Variants in POFUT3 observed in about 807,000 individuals in gnomAD.
POFUT3 encodes GDP-fucose protein O-fucosyltransferase 3.
At chr8:33,436,369 T>G in the POFUT3 span, 1 of 1,375,036 alleles carries the variant, frequency 7.3e-7, no homozygotes, top group Non-Finnish European at 1.0e-6. Context: ...TCATCTTTCA[T>G]GATGTCACAT....
At chr8:33,422,377 T>C in the POFUT3 span, among the ~76,000 whole-genome samples, 7 of 151,742 alleles carry the variant, frequency 4.6e-5, no homozygotes, top group Non-Finnish European at 1.0e-4. Context: ...ACTCCGTCTC[T>C]ACTAAAAATA....
chr8:33,453,931 G>A, the POFUT3 span, among the ~76,000 whole-genome samples: 5 of 151,854 alleles, frequency 3.3e-5, no homozygotes, highest in Non-Finnish European at 5.9e-5. Context: ...CTTGAGCCTC[G>A]GCAACAGAGC....
chr8:33,393,508 C>G, the POFUT3 span, among the ~76,000 whole-genome samples: 1 of 152,224 alleles, frequency 6.6e-6, no homozygotes, highest in East Asian at 1.9e-4. Flanking sequence ...AGCAGAGGAG[C>G]CTGAGAGTGA....
At chr8:33,404,386 G>A in the POFUT3 span, among the ~76,000 whole-genome samples, 1 of 151,848 alleles carries the variant, frequency 6.6e-6, no homozygotes, top group African/African-American at 2.4e-5. Flanking sequence ...TTCTCAGAGA[G>A]GAGTCTCATT....
At chr8:33,471,786 G>C in the POFUT3 span, among the ~76,000 whole-genome samples, 26 of 152,206 alleles carry the variant, frequency 1.7e-4, no homozygotes, top group African/African-American at 5.3e-4. Context: ...AGTTGAGATC[G>C]TGTTTTTAAT....
At chr8:33,311,410 G>C in the POFUT3 span, among the ~76,000 whole-genome samples, 50 of 152,220 alleles carry the variant, frequency 3.3e-4, no homozygotes, top group South Asian at 0.01. Flanking sequence ...GAAGCACATT[G>C]CCCTAAATTG....
chr8:33,361,204 G>A, the POFUT3 span: 2 of 152,158 alleles, frequency 1.3e-5, no homozygotes, highest in Non-Finnish European at 2.9e-5. Context: ...GGATTGGCTG[G>A]AGCAGAACTG....
the POFUT3 span, among the ~76,000 whole-genome samples, chr8:33,468,674 C>T: frequency 2.7e-3 from 414 of 152,322 alleles, 2 homozygotes; most frequent in Non-Finnish European, 4.7e-3. Flanking sequence ...CAATACTCCT[C>T]ATTCATTTCT....
chr8:33,389,777 C>G, the POFUT3 span: 2 of 1,613,604 alleles, frequency 1.2e-6, no homozygotes, highest in Admixed American at 3.3e-5. Context: ...CAGAGGTAAG[C>G]TATCTATGTT....
chr8:33,427,387 G>A, the POFUT3 span, among the ~76,000 whole-genome samples: 3 of 152,116 alleles, frequency 2.0e-5, no homozygotes, highest in African/African-American at 4.8e-5. Context: ...AGACCAGCCT[G>A]GCCAACATGG....
chr8:33,336,046 G>A, the POFUT3 span, among the ~76,000 whole-genome samples: 23 of 152,260 alleles, frequency 1.5e-4, no homozygotes, highest in Non-Finnish European at 3.1e-4. Flanking sequence ...GTCAACTGTC[G>A]TGTTGAATAC....
At chr8:33,318,627 A>G in the POFUT3 span, among the ~76,000 whole-genome samples, 4 of 90,222 alleles carry the variant, frequency 4.4e-5, no homozygotes, top group African/African-American at 5.8e-5. Flanking sequence ...ATATATTTAT[A>G]TAATATATAA....
At chr8:33,394,021 A>T in the POFUT3 span, among the ~76,000 whole-genome samples, 62 of 152,120 alleles carry the variant, frequency 4.1e-4, no homozygotes, top group African/African-American at 1.5e-3. Context: ...GTCCACAAGA[A>T]ATGTTTTTAA....
At chr8:33,330,370 G>A in the POFUT3 span, among the ~76,000 whole-genome samples, 1 of 152,182 alleles carries the variant, frequency 6.6e-6, no homozygotes, top group Non-Finnish European at 1.5e-5. Context: ...CTTGAACTCA[G>A]GAGGCGGAGT....
At chr8:33,378,196 T>C in the POFUT3 span, among the ~76,000 whole-genome samples, 8 of 152,158 alleles carry the variant, frequency 5.3e-5, no homozygotes, top group Non-Finnish European at 8.8e-5. Context: ...CTTCCTCTGC[T>C]AGGGGAATTC....
At chr8:33,365,161 G>A in the POFUT3 span, among the ~76,000 whole-genome samples, 1 of 152,158 alleles carries the variant, frequency 6.6e-6, no homozygotes, top group Non-Finnish European at 1.5e-5. Flanking sequence ...AATGGGGAAA[G>A]GATTTCCTAT....
the POFUT3 span, chr8:33,372,724 G>A: frequency 6.2e-7 from 1 of 1,614,076 alleles, no homozygotes; most frequent in African/African-American, 1.3e-5. Context: ...GTGGAGTCCG[G>A]AGTGGTGAGA....
chr8:33,457,949 T>C, the POFUT3 span, among the ~76,000 whole-genome samples: 1 of 152,134 alleles, frequency 6.6e-6, no homozygotes, highest in Admixed American at 6.6e-5. Flanking sequence ...ATTTATGTTA[T>C]AGAATCTGCT....
the POFUT3 span, among the ~76,000 whole-genome samples, chr8:33,462,423 A>T: frequency 6.6e-6 from 1 of 152,182 alleles, no homozygotes; most frequent in Non-Finnish European, 1.5e-5. Flanking sequence ...TTCAGGCTTC[A>T]ATCAAAAATG....
Sources: allele counts gnomAD v4.1 joint callset (sites outside exome capture counted in the v4.1 genomes callset), GRCh38; gene constraint gnomAD v4.1.1; transcripts MANE v1.5; gene names NCBI Gene and HGNC (gene_info 2026-07-23, HGNC 2026-07-21).